Variants in CPXM2 observed in about 807,000 individuals in gnomAD.
The protein encoded by CPXM2 is carboxypeptidase X, M14 family member 2.
In CPXM2, 66 loss-of-function variants were observed where a neutral mutation model predicts 86.1. That is an observed-to-expected ratio of 0.77 (90% confidence interval 0.63 to 0.94). The LOEUF is 0.94. CPXM2 is among the 40% of genes least tolerant of loss of function. The probability of loss-of-function intolerance (pLI) is 0.00; values close to 1 mark genes in which losing one functional copy is unlikely to be tolerated. For missense variants in CPXM2, 948 were observed against 1,026.3 expected (o/e 0.92, Z 1.04); for synonymous variants, 388 against 400.2 (o/e 0.97, Z 0.36).
intron 2 of CPXM2, chr10:123,914,197 G>T: frequency 2.4e-6 from 1 of 415,384 alleles, no homozygotes; most frequent in East Asian, 7.0e-5. Context: ...ACTCTGTGAA[G>T]CTAACCATGA....
At chr10:123,793,175 G>A (rs1390683294) in intron 6 of CPXM2, among the ~76,000 whole-genome samples, 2 of 152,114 alleles carry the variant, frequency 1.3e-5, no homozygotes, top group African/African-American at 4.8e-5. Flanking sequence ...AGCAAAAGTG[G>A]AATTTGAGGC....
intron 4 of CPXM2, among the ~76,000 whole-genome samples, chr10:123,835,304 C>A (rs1271985990): frequency 1.3e-5 from 2 of 152,100 alleles, no homozygotes; most frequent in Admixed American, 6.5e-5. Context: ...AGCTTCCAAC[C>A]TAGAAAAAAC....
At chr10:123,902,383 A>G (rs1945391236) in intron 2 of CPXM2, among the ~76,000 whole-genome samples, 1 of 152,212 alleles carries the variant, frequency 6.6e-6, no homozygotes, top group Admixed American at 6.5e-5. Flanking sequence ...TCCTAACCTG[A>G]TAGAGAATTA....
chr10:123,792,856 C>T (rs1847237650), intron 6 of CPXM2, among the ~76,000 whole-genome samples: 1 of 152,160 alleles, frequency 6.6e-6, no homozygotes, highest in Admixed American at 6.5e-5. Flanking sequence ...GACTGCTGTT[C>T]TAGCACCCAG....
chr10:123,819,801 T>TA (rs1156818217), intron 4 of CPXM2, among the ~76,000 whole-genome samples: 1 of 152,192 alleles, frequency 6.6e-6, no homozygotes, highest in Non-Finnish European at 1.5e-5. Flanking sequence ...GGGCTTGTGA[T>TA]AGCTAATATT....
chr10:123,789,007 G>A (rs1026002966), intron 6 of CPXM2, among the ~76,000 whole-genome samples: 3 of 152,084 alleles, frequency 2.0e-5, no homozygotes, highest in Non-Finnish European at 4.4e-5. Context: ...CCAAGGAGCA[G>A]CTGCCATTGT....
intron 6 of CPXM2, among the ~76,000 whole-genome samples, chr10:123,794,815 G>C (rs534102636): frequency 4.0e-5 from 6 of 151,490 alleles, no homozygotes; most frequent in Admixed American, 3.9e-4. Context: ...CTGTCACCCA[G>C]ACTGGAGTGC....
At position 123,912,148 on chromosome 10, in the gene CPXM2, G is replaced by C. The variant is rs535125325; in HGVS notation, n.174+27329C>G. On this transcript the variant is annotated intron_variant and non_coding_transcript_variant, in intron 2 of 19. Coordinates refer to the CPXM2 transcript ENST00000368854. ...TCCTGAGATCTTATTAGGAAGCTGCGGATCGGTTTCAGGTGTTTTCTCTTA... is the reference window on the plus strand; with the variant it reads ...TCCTGAGATCTTATTAGGAAGCTGCCGATCGGTTTCAGGTGTTTTCTCTTA... 1.5e-4 allele frequency among the ~76,000 whole-genome samples: 23 copies of C among 152,076 alleles called. No individual in the cohort carries two copies. The South Asian group carries it at 2.7e-3, about 18-fold the overall frequency.
chr10:123,882,410 G>A (rs1283036613), intron 1 of CPXM2, among the ~76,000 whole-genome samples: 1 of 152,166 alleles, frequency 6.6e-6, no homozygotes, highest in Non-Finnish European at 1.5e-5. Flanking sequence ...GGAAAACCGT[G>A]GAAGAAGGCC....
intron 1 of CPXM2, among the ~76,000 whole-genome samples, chr10:123,881,224 CA>C (rs1945083420): frequency 1.8e-5 from 1 of 55,076 alleles, no homozygotes; most frequent in African/African-American, 1.2e-4. Context: ...TCTCCTGGAG[CA>C]CCCTTCTCTT....
chr10:123,931,247 A>G (rs1034912997), intron 2 of CPXM2, among the ~76,000 whole-genome samples: 2 of 137,302 alleles, frequency 1.5e-5, no homozygotes, highest in Non-Finnish European at 3.1e-5. Context: ...GAACCCCAGT[A>G]AAAAAAACCC....
rs116747631 is a variant in CPXM2 at position 123,836,995 on chromosome 10, T to A, written c.653+5354A>T. ...CCCATCAGCCACCCCCCACTAACTT[T>A]CCCTCCACCTGGATCTTCCGCCCAG... On this transcript the variant is annotated intron_variant, in intron 4 of 13. Transcript: ENST00000241305. Among the ~76,000 whole-genome samples the A allele has an allele frequency of 1.0e-2, 1,522 of 152,236 alleles. 23 individuals are homozygous for A. The highest frequency in any genetic ancestry group is 0.035 in the African/African-American group (1,442 of 41,524).
intron 11 of CPXM2, among the ~76,000 whole-genome samples, chr10:123,758,480 T>G (rs979756045): frequency 1.3e-5 from 2 of 152,130 alleles, no homozygotes; most frequent in African/African-American, 2.4e-5. Context: ...CACTTCCCAC[T>G]GATCTTAAGG....
At chr10:123,752,521 G>A in intron 13 of CPXM2, 1 of 985,398 alleles carries the variant, frequency 1.0e-6, no homozygotes, top group South Asian at 4.7e-5. Context: ...AGGGAGCCTG[G>A]CAATGAAGGA....
At chr10:123,914,761 A>T (rs1945521192) in intron 2 of CPXM2, among the ~76,000 whole-genome samples, 1 of 152,094 alleles carries the variant, frequency 6.6e-6, no homozygotes, top group South Asian at 2.1e-4. Flanking sequence ...CACTGCCCTC[A>T]TTCAGGCCAG....
intron 7 of CPXM2, among the ~76,000 whole-genome samples, chr10:123,771,398 A>G (rs1846627160): frequency 6.6e-6 from 1 of 151,990 alleles, no homozygotes; most frequent in Non-Finnish European, 1.5e-5. Context: ...CTAATGCCCA[A>G]TGCATGAATT....
chr10:123,843,813 T>C (rs1848439322), intron 3 of CPXM2, among the ~76,000 whole-genome samples: 1 of 152,172 alleles, frequency 6.6e-6, no homozygotes, highest in Non-Finnish European at 1.5e-5. Flanking sequence ...GTGTTAGACA[T>C]CTGAGGCTTA....
In CPXM2 at chr10:123,874,769, TG is replaced by T. The variant is rs1252092231; in HGVS notation, c.403+5441del. 6.6e-5 allele frequency among the ~76,000 whole-genome samples: 10 copies of T among 152,338 alleles called. 1 individual carries two copies. The East Asian group carries it at 1.9e-3, about 29-fold the overall frequency. ...GAAGCACGTGTGCTCACCCTTGTCA[TG>T]GGGATTCTGGGGAGGTACAGCCCTA... On this transcript the variant is annotated intron_variant, in intron 2 of 13. Transcript: ENST00000241305.
At chr10:123,796,834 G>A (rs924429433) in intron 6 of CPXM2, among the ~76,000 whole-genome samples, 1 of 152,186 alleles carries the variant, frequency 6.6e-6, no homozygotes, top group African/African-American at 2.4e-5. Flanking sequence ...GGGGATGAGT[G>A]ACGACTGTGC....
Sources: gnomAD v4.1 joint callset for allele counts (sites outside exome capture counted in the v4.1 genomes callset) on GRCh38, gnomAD v4.1.1 for gene constraint, MANE v1.5 for transcripts, NCBI Gene and HGNC (gene_info 2026-07-23, HGNC 2026-07-21) for gene names.